The following MAN2B1 variants were observed in gnomAD, a reference collection of about 807,000 sequenced individuals.
The protein encoded by MAN2B1 is lysosomal alpha-mannosidase.
Under a neutral mutation model 127.5 loss-of-function variants are expected in MAN2B1, and 99 were observed. That is an observed-to-expected ratio of 0.78 (90% CI 0.66 to 0.92). The LOEUF (loss-of-function observed/expected upper bound fraction) is 0.92. Among genes scored for constraint, MAN2B1 ranks in the 40% least tolerant of loss-of-function variants. The pLI is 0.00. For missense variants in MAN2B1, 1,304 were observed against 1,384.8 expected, an observed-to-expected ratio of 0.94 and a Z score of 0.93; for synonymous variants, 573 against 568.8, an observed-to-expected ratio of 1.01 and a Z score of -0.11.
In MAN2B1 at chr19:12,650,108, C is replaced by T. The variant is rs148134639; in HGVS notation, c.2161G>A (p.Val721Met). 2.3e-4 allele frequency: 364 copies of T among 1,613,838 alleles called. No individual in the cohort carries two copies. The highest frequency in any genetic ancestry group is 2.9e-4 in the Non-Finnish European group (337 of 1,179,918). ...CTCCCAGCCTGTGCCACTCACCCCA[C>T]AGGTATCGGCCCCACCGACCACTCT... The part of the protein sequence containing the change: ...ELEWSVGPIP[V>M]GDTWGKEVIS... The change falls in exon 17 of 24, where the codon GTG (valine) becomes ATG (methionine). Residue 721 changes from valine to methionine, a missense_variant. Coordinates refer to ENST00000456935, the MANE Select transcript of MAN2B1 (RefSeq NM_000528.4).
chr19:12,653,974 C>G (rs570305884), intron 14 of MAN2B1, among the ~76,000 whole-genome samples: 1 of 152,126 alleles, frequency 6.6e-6, no homozygotes, highest in African/African-American at 2.4e-5. Context: ...CAGCCTCAGC[C>G]TCCCAAAGTC....
Position 12,656,942 on chromosome 19 carries a change from G to T in MAN2B1, c.1527+7C>A. The T allele has an allele frequency of 6.2e-7, 1 of 1,610,398 alleles. No homozygotes were observed. The highest frequency in any genetic ancestry group is 8.5e-7 in the Non-Finnish European group (1 of 1,177,684). On this transcript the variant is annotated splice_region_variant and intron_variant, in intron 12 of 23. Transcript: ENST00000456935. Reference sequence around the variant, plus strand: ...GCCCTAGATCCACCCCTCCCGTCCCGGCTCACGCGCGCCGCCGTCTGGCTG... The same window carrying T: ...GCCCTAGATCCACCCCTCCCGTCCCTGCTCACGCGCGCCGCCGTCTGGCTG...
chr19:12,651,112 C>T (rs1279519140), intron 16 of MAN2B1, among the ~76,000 whole-genome samples: 3 of 152,166 alleles, frequency 2.0e-5, no homozygotes, highest in South Asian at 4.1e-4. Context: ...CAGGCATGAG[C>T]CACTGCATCT....
chr19:12,652,264 G>C lies in MAN2B1; in HGVS notation c.1935C>G (p.Asn645Lys), dbSNP rs34853569. 4 of 1,613,720 alleles carry C rather than the reference G, an allele frequency of 2.5e-6. No individual in the cohort carries two copies. The highest frequency in any genetic ancestry group is 3.4e-6 in the Non-Finnish European group (4 of 1,179,790). ...CACTTTCGTTGTCACCTATACTGGCGTTGTACCTGGAGTTGGGGCAGGTGA... is the reference window on the plus strand; with the variant it reads ...CACTTTCGTTGTCACCTATACTGGCCTTGTACCTGGAGTTGGGGCAGGTGA... ...LPVRQTFFWY[N>K]ASIGDNESDQ... Residue 645 changes from asparagine to lysine, a missense_variant, in exon 16 of 24, where the codon AAC becomes AAG. Physicochemically the swap from Asn to Lys is moderately conservative, Grantham distance 94 (BLOSUM62 0). Transcript: ENST00000456935.
intron 14 of MAN2B1, among the ~76,000 whole-genome samples, chr19:12,653,388 ACC>A (rs34489442): frequency 7.4e-6 from 1 of 135,064 alleles, no homozygotes; most frequent in Non-Finnish European, 1.7e-5. Flanking sequence ...CTCATGATCC[ACC>A]CCCCCCTCAG....
At chr19:12,656,902 C>A (rs747588221) in intron 12 of MAN2B1, 47 bp downstream of exon 12, 2 of 1,459,596 alleles carry the variant, frequency 1.4e-6, no homozygotes, top group African/African-American at 1.4e-5. Flanking sequence ...CAACTACCCC[C>A]TCTAAAGCCC....
In MAN2B1 at chr19:12,652,411, A is replaced by C. The variant is rs1306055654; in HGVS notation, c.1880T>G (p.Met627Arg). ...DPDTGLLMEIMNMNQQLLLPV... is the reference protein window; with the variant it reads ...DPDTGLLMEIRNMNQQLLLPV... ...CAGCAGGAGTTGCTGATTCATGTTC[A>C]TAATCTCCATCAACAGCCCTGTGTC... Residue 627 changes from methionine (M) to arginine (R), a missense_variant, in exon 15 of 24, where the codon ATG becomes AGG. By Grantham distance (91) the Met-to-Arg change is moderately conservative. Transcript: ENST00000456935. 9 of 1,614,194 alleles carry C rather than the reference A, an allele frequency of 5.6e-6. No homozygotes were observed. Among genetic ancestry groups the C allele is most frequent in the Non-Finnish European group, 7.6e-6 (9 of 1,180,036 alleles).
intron 7 of MAN2B1, chr19:12,658,718 T>A: frequency 1.7e-6 from 1 of 592,288 alleles, no homozygotes; most frequent in Admixed American, 2.9e-5. Flanking sequence ...ATTTCAGAGA[T>A]GCAAGAATAA....
At chr19:12,649,497 T>TTTTTTTTTTTTTTTTC (rs2023787912) in intron 18 of MAN2B1, 69 bp from the exon 19 acceptor site, 1 of 837,296 alleles carries the variant, frequency 1.2e-6, no homozygotes, top group Non-Finnish European at 1.9e-6. Context: ...TTTTTTTTTT[T>TTTTTTTTTTTTTTTTC]TTGAGATGGA....
At position 12,647,613 on chromosome 19, in the gene MAN2B1, G is replaced by A. The variant is rs1248528325; in HGVS notation, c.2665-15C>T. 1 of 1,607,974 alleles carries A rather than the reference G, an allele frequency of 6.2e-7. No individual in the cohort carries two copies. Among genetic ancestry groups the A allele is most frequent in the Non-Finnish European group, 8.5e-7 (1 of 1,176,494 alleles). On this transcript the variant is annotated splice_polypyrimidine_tract_variant and intron_variant, in intron 21 of 23. Transcript: ENST00000456935. This position sits in a 1 kb window ranked among gnomAD's most constrained non-coding sequence, Gnocchi z 4.9. Reference sequence around the variant, plus strand: ...AGCCCTGAGAACTGCGGGAGAGAGGGCGGGGCTGAGTTGGAGAGGGGCGGG... The same window carrying A: ...AGCCCTGAGAACTGCGGGAGAGAGGACGGGGCTGAGTTGGAGAGGGGCGGG...
At chr19:12,652,507 G>T in intron 14 of MAN2B1, 47 bp from the exon 15 acceptor site, 3 of 1,264,448 alleles carry the variant, frequency 2.4e-6, no homozygotes, top group Non-Finnish European at 3.4e-6. Flanking sequence ...GTATGTGTGT[G>T]TGTTTTCTTT....
rs1278554543 is a variant in MAN2B1, at chr19:12,657,672, A to AGGACGGCTGGGGGCGGTGGC, written c.1310-137_1310-118dup. The AGGACGGCTGGGGGCGGTGGC allele has an allele frequency of 3.2e-6, 3 of 937,632 alleles. No individual in the cohort carries two copies. The Admixed American group carries it at 6.0e-5, about 19-fold the overall frequency. The allele number at this position is 937,632 out of a possible 1,614,324, so 58.1% of individuals were successfully genotyped here. On this transcript the variant is annotated intron_variant, in intron 10 of 23. Transcript: ENST00000456935. The stretch of plus-strand genomic sequence containing the variant: ...CTTAGAGGCTTTAAGAAGGAACTCG[A>AGGACGGCTGGGGGCGGTGGC]GGACGGCTGGGGGCGGTGGCTCACG...
rs760097655 is a variant in MAN2B1, at chr19:12,648,330, A to G, written c.2509T>C (p.Trp837Arg). 1.1e-5 allele frequency: 17 copies of G among 1,613,452 alleles called. No individual in the cohort carries two copies. Among genetic ancestry groups the G allele is most frequent in the Non-Finnish European group, 1.4e-5 (16 of 1,179,916 alleles). Residue 837 changes from tryptophan to arginine, a missense_variant, in exon 21 of 24, where the codon TGG (tryptophan) becomes CGG (arginine). Physicochemically the swap from Trp to Arg is moderately radical, Grantham distance 101. Coordinates refer to ENST00000456935, the MANE Select transcript of MAN2B1 (RefSeq NM_000528.4). ...AGCACCAGGTGGCGCCCTCGCACCC[A>G]CGCCCCCGACCCGTTCTCCATTAGT... ...EPLMENGSGA[W>R]VRGRHLVLLD...
rs571314298 is a variant in MAN2B1, at chr19:12,658,009, G to A, written c.1309+54C>T. 12 of 1,433,822 alleles carry A rather than the reference G, an allele frequency of 8.4e-6. No homozygotes were observed. The Admixed American group carries it at 1.3e-4, about 16-fold the overall frequency. The allele number at this position is 1,433,822 out of a possible 1,614,324, so 88.8% of individuals were successfully genotyped here. On this transcript the variant is annotated intron_variant, in intron 10 of 23. Transcript: ENST00000456935. The stretch of plus-strand genomic sequence containing the variant: ...AGAAACTCGAGGGGGGCGGCCTAGG[G>A]GTGGTTTCCAACTTCAGCCGCAAAC...
Position 12,647,185 on chromosome 19 carries a change from G to A in MAN2B1, c.2923+48C>T, listed in dbSNP as rs771498575. ...CCTCACACATTGCCCCCACCTGCCGGCCCCAGGTAAGACTCCACCCCTTCC... is the reference window on the plus strand; with the variant it reads ...CCTCACACATTGCCCCCACCTGCCGACCCCAGGTAAGACTCCACCCCTTCC... On this transcript the variant is annotated intron_variant, in intron 23 of 23. Transcript: ENST00000456935. This position sits in a 1 kb window ranked among gnomAD's most constrained non-coding sequence, Gnocchi z 4.9. 1.3e-6 allele frequency: 2 copies of A among 1,519,946 alleles called. No homozygotes were observed. Among genetic ancestry groups the A allele is most frequent in the Non-Finnish European group, 1.8e-6 (2 of 1,094,600 alleles). The allele number at this position is 1,519,946 out of a possible 1,614,324, so 94.2% of individuals were successfully genotyped here.
At position 12,663,688 on chromosome 19, in the gene MAN2B1, C is replaced by T. The variant is rs758488793; in HGVS notation, c.763+15G>A. The T allele has an allele frequency of 1.9e-6, 3 of 1,602,884 alleles. No individual in the cohort carries two copies. The South Asian group carries it at 3.3e-5, about 18-fold the overall frequency. Reference sequence around the variant, plus strand: ...GTGGCACCATGGCTGGCCCTGCCCTCACCAAGCCCCCTACCAGTGAAGAGG... The same window carrying T: ...GTGGCACCATGGCTGGCCCTGCCCTTACCAAGCCCCCTACCAGTGAAGAGG... On this transcript the variant is annotated intron_variant, in intron 5 of 23. Transcript: ENST00000456935.
chr19:12,656,112 A>T (rs914068551), intron 13 of MAN2B1: 5 of 449,864 alleles, frequency 1.1e-5, no homozygotes, highest in African/African-American at 4.2e-5. Context: ...GGAGTGAAGG[A>T]GGAAGTAGGG....
intron 16 of MAN2B1, among the ~76,000 whole-genome samples, chr19:12,651,180 T>C (rs936216778): frequency 6.6e-5 from 10 of 152,184 alleles, no homozygotes; most frequent in African/African-American, 9.7e-5. Flanking sequence ...CATTGCCCCA[T>C]AGAATAGGAT....
rs2023776545 is a variant in MAN2B1 at position 12,649,231 on chromosome 19, G to A, written c.2356-15C>T. The A allele has an allele frequency of 6.2e-7, 1 of 1,613,206 alleles. No homozygotes were observed. The highest frequency in any genetic ancestry group is 1.3e-5 in the African/African-American group (1 of 74,890). ...ATGTTTCCATCCTGGGAGTTGAAGGGTGAAAGTAGAGGGCAGTCAACCCCA... is the reference window on the plus strand; with the variant it reads ...ATGTTTCCATCCTGGGAGTTGAAGGATGAAAGTAGAGGGCAGTCAACCCCA... On this transcript the variant is annotated splice_polypyrimidine_tract_variant and intron_variant, in intron 19 of 23. Coordinates refer to ENST00000456935, the MANE Select transcript of MAN2B1 (RefSeq NM_000528.4).
Sources: gnomAD v4.1 joint callset for allele counts (sites outside exome capture counted in the v4.1 genomes callset) on GRCh38, gnomAD v4.1.1 for gene constraint, Gnocchi (gnomAD v3.1) non-coding constraint, MANE v1.5 for transcripts, NCBI Gene and HGNC (gene_info 2026-07-23, HGNC 2026-07-21) for gene names.